Variants in PKHD1L1 observed in about 807,000 individuals in gnomAD.
The protein encoded by PKHD1L1 is fibrocystin-L.
Under a neutral mutation model 462.9 loss-of-function variants are expected in PKHD1L1, and 434 were observed. That is an observed-to-expected ratio of 0.94 (90% CI 0.87 to 1.02). PKHD1L1 has a LOEUF of 1.02. Ranked by LOEUF, PKHD1L1 falls within the 50% of genes least tolerant of loss-of-function variation. PKHD1L1 has a pLI of 0.00. For synonymous variants in PKHD1L1, 1,781 were observed against 1,750.0 expected (o/e 1.02, Z -0.44); for missense variants, 5,202 against 5,096.1 (o/e 1.02, Z -0.63).
intron 2 of PKHD1L1, among the ~76,000 whole-genome samples, chr8:109,371,284 T>C (rs555657337): frequency 5.9e-5 from 9 of 152,388 alleles, no homozygotes; most frequent in Admixed American, 5.9e-4. Context: ...ATGTGTTTTT[T>C]GACTGCATGA....
At chr8:109,471,300 T>G (rs1817703600) in intron 50 of PKHD1L1, among the ~76,000 whole-genome samples, 1 of 152,164 alleles carries the variant, frequency 6.6e-6, no homozygotes, top group South Asian at 2.1e-4. Context: ...TCATTTTAAC[T>G]GGCATGTCAT....
At chr8:109,481,881 G>C (rs946632080) in intron 56 of PKHD1L1, among the ~76,000 whole-genome samples, 54 of 151,460 alleles carry the variant, frequency 3.6e-4, no homozygotes, top group Non-Finnish European at 6.9e-4. Flanking sequence ...TTTCCAATCT[G>C]GTTTTCTTCA....
At chr8:109,389,039 G>A (rs1812575463) in intron 7 of PKHD1L1, 40 bp from the exon 8 acceptor site, 16 of 1,258,540 alleles carry the variant, frequency 1.3e-5, no homozygotes, top group Non-Finnish European at 1.6e-5. Flanking sequence ...TAAAATTTTA[G>A]TGTCTATATA....
Position 109,492,007 on chromosome 8 carries a change from A to G in PKHD1L1, c.10236+13A>G. 6.7e-7 allele frequency: 1 copy of G among 1,487,280 alleles called. No individual in the cohort carries two copies. The allele number at this position is 1,487,280 out of a possible 1,614,324, so 92.1% of individuals were successfully genotyped here. A position where few individuals can be genotyped will look rare whatever the true frequency, so the allele number is the denominator to read the frequency against. ...TGCAGCAATTGAGGTAGTGAAAACA[A>G]ACTTATAATTATACTAATTTATAAT... is the stretch of plus-strand genomic sequence containing the variant. On this transcript the variant is annotated intron_variant, in intron 62 of 77. Coordinates refer to ENST00000378402, the MANE Select transcript of PKHD1L1 (RefSeq NM_177531.6).
chr8:109,427,820 T>C (rs935842516), intron 25 of PKHD1L1, among the ~76,000 whole-genome samples: 6 of 151,720 alleles, frequency 4.0e-5, no homozygotes, highest in African/African-American at 1.5e-4. Context: ...GAGTTCGAGA[T>C]GAGCCTGACC....
chr8:109,396,836 C>T (rs1813005188), intron 11 of PKHD1L1, among the ~76,000 whole-genome samples: 1 of 152,238 alleles, frequency 6.6e-6, no homozygotes, highest in South Asian at 2.1e-4. Flanking sequence ...AAGGCATATG[C>T]ATTTCCACAG....
At chr8:109,405,306 A>G (rs1391017945) in intron 16 of PKHD1L1, among the ~76,000 whole-genome samples, 176 bp downstream of exon 16, 1 of 152,210 alleles carries the variant, frequency 6.6e-6, no homozygotes, top group East Asian at 1.9e-4. Flanking sequence ...AGAAAATGAC[A>G]TCCATACAAA....
chr8:109,505,487 A>C (rs1011245779), intron 68 of PKHD1L1, among the ~76,000 whole-genome samples: 1 of 152,234 alleles, frequency 6.6e-6, no homozygotes, highest in African/African-American at 2.4e-5. Flanking sequence ...ACTTTTTATT[A>C]GAAGTACAGA....
intron 63 of PKHD1L1, among the ~76,000 whole-genome samples, chr8:109,495,429 T>C (rs764725748): frequency 1.1e-4 from 16 of 152,074 alleles, no homozygotes; most frequent in Non-Finnish European, 1.8e-4. Context: ...TGAGACTATT[T>C]ATAAGGAGAT....
At chr8:109,402,486 A>T (rs541292689) in intron 14 of PKHD1L1, among the ~76,000 whole-genome samples, 1 of 152,184 alleles carries the variant, frequency 6.6e-6, no homozygotes, top group African/African-American at 2.4e-5. Flanking sequence ...CATCCAGGAG[A>T]CTAGCCCCGG....
chr8:109,384,225 A>G (rs544604383), intron 5 of PKHD1L1, 98 bp downstream of exon 5: 1 of 978,872 alleles, frequency 1.0e-6, no homozygotes, highest in African/African-American at 1.7e-5. Context: ...CAATTTTTAA[A>G]TAGCATTTTT....
At chr8:109,412,756 G>C (rs1171967287) in intron 20 of PKHD1L1, among the ~76,000 whole-genome samples, 4 of 151,962 alleles carry the variant, frequency 2.6e-5, no homozygotes, top group Non-Finnish European at 5.9e-5. Context: ...AAAGAAAAAT[G>C]GCTAGCCATC....
chr8:109,503,315 CAA>C (rs35157030), intron 67 of PKHD1L1, among the ~76,000 whole-genome samples: 6 of 132,552 alleles, frequency 4.5e-5, no homozygotes, highest in Admixed American at 7.3e-5. Context: ...CAAAAACAAA[CAA>C]AAAAAAAACA....
At chr8:109,490,901 T>C (rs1421178303) in intron 60 of PKHD1L1, 71 bp from the exon 61 acceptor site, 2 of 1,347,470 alleles carry the variant, frequency 1.5e-6, no homozygotes, top group East Asian at 2.6e-5. Flanking sequence ...CTGAAAATCA[T>C]TTACTTCAAT....
rs868734583 is a variant in PKHD1L1 at position 109,427,007 on chromosome 8, C to T, written c.2851C>T (p.Pro951Ser). The part of the protein sequence containing the change: ...QAYGHILKGL[P>S]AAVSAADLQF... ...CCACCCCTCTGTGAGTGCAGGCCTC[C>T]CCGCTGCTGTGTCAGCTGCAGATCT... Residue 951 changes from proline to serine, a missense_variant, in exon 25 of 78, where the codon CCC (proline) becomes TCC (serine). Pro to Ser is a moderately conservative substitution (Grantham distance 74). Transcript: ENST00000378402. The T allele has an allele frequency of 6.6e-7, 1 of 1,517,740 alleles. No homozygotes were observed. The highest frequency in any genetic ancestry group is 9.2e-7 in the Non-Finnish European group (1 of 1,092,148). 94.0% of individuals were successfully genotyped at this position (1,517,740 alleles called of 1,614,324 possible).
At chr8:109,429,058 ATTTT>A (rs1291127443) in intron 25 of PKHD1L1, among the ~76,000 whole-genome samples, 1 of 152,134 alleles carries the variant, frequency 6.6e-6, no homozygotes. Flanking sequence ...TTTTAGATTT[ATTTT>A]TTAATTATAA....
intron 2 of PKHD1L1, among the ~76,000 whole-genome samples, chr8:109,371,492 G>A (rs1811505469): frequency 6.7e-6 from 1 of 150,208 alleles, no homozygotes; most frequent in Non-Finnish European, 1.5e-5. Context: ...TTGCTGTGCA[G>A]AAGCTCTTTA....
At chr8:109,486,939 TA>T in intron 59 of PKHD1L1, 118 bp downstream of exon 59, 1 of 1,087,030 alleles carries the variant, frequency 9.2e-7, no homozygotes, top group South Asian at 1.8e-5. Flanking sequence ...AATAAAGCAT[TA>T]AAAGTGATTA....
chr8:109,528,221 G>A (rs1820912194), intron 77 of PKHD1L1, among the ~76,000 whole-genome samples: 1 of 152,034 alleles, frequency 6.6e-6, no homozygotes, highest in Non-Finnish European at 1.5e-5. Context: ...CATGATAGGA[G>A]CAAGGAAAAA....
Sources: allele counts gnomAD v4.1 joint callset (sites outside exome capture counted in the v4.1 genomes callset), GRCh38; gene constraint gnomAD v4.1.1; transcripts MANE v1.5; gene names NCBI Gene and HGNC (gene_info 2026-07-23, HGNC 2026-07-21).